Variants in AATF observed in about 807,000 individuals in gnomAD.
The protein encoded by AATF is protein AATF.
In AATF, 48 loss-of-function variants were observed where a neutral mutation model predicts 63.7. The ratio of observed to expected loss-of-function variants is 0.75; its 90% confidence interval spans 0.60 to 0.96. The LOEUF (loss-of-function observed/expected upper bound fraction) is 0.96, where lower values mean the gene tolerates loss of function less well. Among genes scored for constraint, AATF ranks in the 40% least tolerant of loss-of-function variants. The pLI is 0.00. For missense variants in AATF, 639 were observed against 685.7 expected (o/e 0.93, Z 0.76); for synonymous variants, 258 against 247.7 (o/e 1.04, Z -0.39).
chr17:36,983,302 C>T (rs1029908254), intron 4 of AATF, among the ~76,000 whole-genome samples: 5 of 152,114 alleles, frequency 3.3e-5, no homozygotes, highest in African/African-American at 1.2e-4. Context: ...CTCAGCCTCC[C>T]AGAGTGCTGT....
chr17:37,050,134 T>A (rs1023974132), intron 11 of AATF, among the ~76,000 whole-genome samples: 6 of 151,996 alleles, frequency 3.9e-5, no homozygotes, highest in African/African-American at 1.4e-4. Context: ...CAGGGAATAG[T>A]AGTCAGCCTT....
intron 11 of AATF, among the ~76,000 whole-genome samples, chr17:37,035,443 G>T (rs2071584193): frequency 6.6e-6 from 1 of 151,818 alleles, no homozygotes; most frequent in Admixed American, 6.6e-5. Flanking sequence ...GTAATACCCA[G>T]TGTTGATGGT....
At chr17:37,006,177 GA>G (rs1014856679) in intron 8 of AATF, among the ~76,000 whole-genome samples, 49 of 151,862 alleles carry the variant, frequency 3.2e-4, no homozygotes, top group Non-Finnish European at 7.1e-4. Context: ...ATTTAAAAAA[GA>G]AAAAAAGAGG....
At chr17:37,016,843 CTTTCTT>C (rs2071432613) in intron 8 of AATF, among the ~76,000 whole-genome samples, 1 of 151,824 alleles carries the variant, frequency 6.6e-6, no homozygotes, top group African/African-American at 2.4e-5. Flanking sequence ...GTTGTTGTTG[CTTTCTT>C]TTTCTTACCA....
intron 9 of AATF, among the ~76,000 whole-genome samples, chr17:37,020,473 A>T (rs1314439737): frequency 6.6e-6 from 1 of 152,250 alleles, no homozygotes; most frequent in Non-Finnish European, 1.5e-5. Context: ...ATAATTATTT[A>T]AAAATTAGCA....
intron 8 of AATF, among the ~76,000 whole-genome samples, chr17:37,001,467 A>AG (rs1264324817): frequency 6.8e-6 from 1 of 146,030 alleles, no homozygotes. Context: ...AAAAAAAAAA[A>AG]AAGGAACATA....
At chr17:36,988,872 G>T in intron 6 of AATF, 152 bp downstream of exon 6, 1 of 802,434 alleles carries the variant, frequency 1.2e-6, no homozygotes, top group Non-Finnish European at 1.9e-6. Context: ...TGAACTTCTG[G>T]CACTGGGGTT....
At chr17:37,028,001 A>G (rs1284950351) in intron 10 of AATF, among the ~76,000 whole-genome samples, 2 of 152,230 alleles carry the variant, frequency 1.3e-5, no homozygotes, top group Non-Finnish European at 2.9e-5. Flanking sequence ...GTTTATATTT[A>G]AATAAAAAGG....
chr17:37,027,065 A>G (rs935877135), intron 10 of AATF, among the ~76,000 whole-genome samples: 1 of 152,226 alleles, frequency 6.6e-6, no homozygotes, highest in Non-Finnish European at 1.5e-5. Flanking sequence ...TTAAATAATA[A>G]CACTTCATTA....
chr17:37,034,884 G>A (rs1358853104), intron 11 of AATF: 3 of 152,140 alleles, frequency 2.0e-5, no homozygotes, highest in Non-Finnish European at 4.4e-5. Flanking sequence ...CCAGCACTTT[G>A]GGAGGCTGAG....
At chr17:37,014,022 C>T (rs1422956377) in intron 8 of AATF, among the ~76,000 whole-genome samples, 2 of 152,130 alleles carry the variant, frequency 1.3e-5, no homozygotes, top group Non-Finnish European at 2.9e-5. Context: ...TTTGCTTCTT[C>T]CCTGAGTTAG....
chr17:37,011,331 C>A (rs938181334), intron 8 of AATF, among the ~76,000 whole-genome samples: 3 of 152,106 alleles, frequency 2.0e-5, no homozygotes, highest in African/African-American at 4.8e-5. Flanking sequence ...GCAGAGATAG[C>A]ACCACGGCAC....
intron 11 of AATF, chr17:37,056,243 C>T (rs2071796781): frequency 5.1e-6 from 1 of 197,280 alleles, no homozygotes; most frequent in Non-Finnish European, 1.0e-5. Flanking sequence ...AATTATATCC[C>T]CCTACATCCC....
chr17:36,953,295 A>G lies in AATF; in HGVS notation c.693A>G (p.Ile231Met). The G allele has an allele frequency of 6.2e-7, 1 of 1,610,392 alleles. No homozygotes were observed. ...AAGGAAGAGCCGTGAAGAACCAGAT[A>G]GGTTTGTACATGGTTTTGCTGATTG... is the stretch of plus-strand genomic sequence containing the variant. Reference protein sequence around the residue: ...VEKGRAVKNQIALWDQLLEGR... With the variant: ...VEKGRAVKNQMALWDQLLEGR... The change falls in exon 3 of 12, where the codon ATA becomes ATG. Residue 231 changes from isoleucine (I) to methionine (M), a missense_variant and splice_region_variant. Physicochemically the swap from Ile to Met is conservative, Grantham distance 10 (BLOSUM62 1). Coordinates refer to ENST00000619387, the MANE Select transcript of AATF (RefSeq NM_012138.4).
At chr17:36,956,330 A>G (rs965771850) in intron 4 of AATF, among the ~76,000 whole-genome samples, 4 of 152,212 alleles carry the variant, frequency 2.6e-5, no homozygotes, top group Admixed American at 6.5e-5. Flanking sequence ...TTGTGGCAAT[A>G]TGACATAATA....
At chr17:37,002,677 A>T (rs2071309918) in intron 8 of AATF, among the ~76,000 whole-genome samples, 2 of 152,032 alleles carry the variant, frequency 1.3e-5, no homozygotes, top group Admixed American at 6.6e-5. Context: ...ATCTCAAAAA[A>T]AAAAAAGCAT....
chr17:37,046,424 G>C (rs1173778606), intron 11 of AATF, among the ~76,000 whole-genome samples: 2 of 152,072 alleles, frequency 1.3e-5, no homozygotes, highest in African/African-American at 4.8e-5. Context: ...TGAACGCTCG[G>C]GGGGAGACTT....
At chr17:37,047,126 GATTTGTCGTCTTTCCTTTGTGAGGCC>G (rs1324086571) in intron 11 of AATF, among the ~76,000 whole-genome samples, 1 of 152,176 alleles carries the variant, frequency 6.6e-6, no homozygotes, top group East Asian at 1.9e-4. Context: ...GCAGTGTGAT[GATTTGTCGTCTTTCCTTTGTGAGGCC>G]ATTTGTCTTC....
intron 11 of AATF, among the ~76,000 whole-genome samples, chr17:37,048,117 A>T (rs142871656): frequency 4.6e-5 from 7 of 151,666 alleles, no homozygotes; most frequent in African/African-American, 1.7e-4. Context: ...GTTTTTTGGT[A>T]TGGAATTATG....
Sources: allele counts gnomAD v4.1 joint callset (sites outside exome capture counted in the v4.1 genomes callset), GRCh38; gene constraint gnomAD v4.1.1; transcripts MANE v1.5; gene names NCBI Gene and HGNC (gene_info 2026-07-23, HGNC 2026-07-21).